The following SPAG16 variants were observed in gnomAD, a reference collection of about 807,000 sequenced individuals.
SPAG16 encodes the protein sperm associated antigen 16.
SPAG16 carries 86 observed loss-of-function variants against 80.4 expected under a neutral mutation model. The observed-to-expected ratio is 1.07, with a 90% confidence interval of 0.90 to 1.28. The LOEUF (loss-of-function observed/expected upper bound fraction) is 1.28, where lower values mean the gene tolerates loss of function less well. Ranked by LOEUF, SPAG16 falls within the 50% of genes most tolerant of loss-of-function variation. The pLI is 0.00. For synonymous variants in SPAG16, 294 were observed against 265.9 expected (o/e 1.11, Z -1.03); for missense variants, 870 against 765.3 (o/e 1.14, Z -1.61).
At chr2:213,867,157 CTCA>C (rs1381263235) in intron 11 of SPAG16, among the ~76,000 whole-genome samples, 1 of 152,120 alleles carries the variant, frequency 6.6e-6, no homozygotes, top group East Asian at 1.9e-4. Context: ...CACAGTGTAA[CTCA>C]TCATTATTAC....
intron 15 of SPAG16, among the ~76,000 whole-genome samples, chr2:214,395,104 A>G (rs1329204041): frequency 6.6e-6 from 1 of 152,116 alleles, no homozygotes; most frequent in African/African-American, 2.4e-5. Flanking sequence ...TTATTAATTC[A>G]CTTACTGAAG....
intron 12 of SPAG16, among the ~76,000 whole-genome samples, chr2:213,990,542 TTATAA>T (rs1372010435): frequency 1.3e-5 from 2 of 152,170 alleles, no homozygotes; most frequent in South Asian, 2.1e-4. Flanking sequence ...TACTCTGTTC[TTATAA>T]TAAAGTAAGC....
At chr2:213,838,202 C>T (rs1202672473) in intron 10 of SPAG16, among the ~76,000 whole-genome samples, 1 of 152,016 alleles carries the variant, frequency 6.6e-6, no homozygotes, top group African/African-American at 2.4e-5. Context: ...GACAGAGCCT[C>T]AGTCTGTTGC....
chr2:214,131,648 G>A (rs1015559958), intron 14 of SPAG16, among the ~76,000 whole-genome samples: 1 of 151,640 alleles, frequency 6.6e-6, no homozygotes, highest in Non-Finnish European at 1.5e-5. Flanking sequence ...GAACTATTAA[G>A]CCATGAAAAG....
At chr2:213,657,982 C>T (rs1000625247) in intron 10 of SPAG16, among the ~76,000 whole-genome samples, 4 of 152,124 alleles carry the variant, frequency 2.6e-5, no homozygotes, top group Non-Finnish European at 5.9e-5. Context: ...TTCTCAATCC[C>T]TTTCTCCTTT....
chr2:214,034,522 C>G (rs527972840), intron 13 of SPAG16, among the ~76,000 whole-genome samples: 1 of 152,290 alleles, frequency 6.6e-6, no homozygotes, highest in South Asian at 2.1e-4. Context: ...TGCATGCCTG[C>G]CAAGGGCAAG....
chr2:213,342,288 T>C (rs912367988), intron 6 of SPAG16, among the ~76,000 whole-genome samples: 1 of 141,716 alleles, frequency 7.1e-6, no homozygotes, highest in African/African-American at 2.7e-5. Flanking sequence ...TACATATGTA[T>C]ATATATATGA....
chr2:213,718,367 T>A (rs2066340695), intron 10 of SPAG16, among the ~76,000 whole-genome samples: 1 of 152,006 alleles, frequency 6.6e-6, no homozygotes, highest in Non-Finnish European at 1.5e-5. Context: ...GCACCCCCCC[T>A]GCCTGGGCTC....
chr2:213,512,438 A>G (rs866995540), intron 10 of SPAG16, among the ~76,000 whole-genome samples: 3 of 152,204 alleles, frequency 2.0e-5, no homozygotes, highest in Non-Finnish European at 2.9e-5. Context: ...ATTAATTACT[A>G]AAGACCATGT....
chr2:213,991,111 A>C (rs935827715), intron 12 of SPAG16, among the ~76,000 whole-genome samples: 2 of 151,958 alleles, frequency 1.3e-5, no homozygotes, highest in Non-Finnish European at 2.9e-5. Flanking sequence ...CCATCAACCC[A>C]TCATCTACAT....
intron 13 of SPAG16, among the ~76,000 whole-genome samples, chr2:214,058,919 A>C (rs1440097789): frequency 6.6e-6 from 1 of 152,194 alleles, no homozygotes; most frequent in African/African-American, 2.4e-5. Context: ...GTGGTGCTGA[A>C]AGGTTAATGA....
intron 10 of SPAG16, among the ~76,000 whole-genome samples, chr2:213,756,498 A>C (rs747561049): frequency 6.6e-6 from 1 of 152,184 alleles, no homozygotes; most frequent in African/African-American, 2.4e-5. Context: ...CTATGCCCAG[A>C]TAAATCTTTA....
chr2:213,526,904 G>A (rs2075905875), intron 10 of SPAG16, among the ~76,000 whole-genome samples: 1 of 152,160 alleles, frequency 6.6e-6, no homozygotes, highest in African/African-American at 2.4e-5. Flanking sequence ...TCTATGTAAA[G>A]GTTAGAATCT....
chr2:214,119,224 A>G (rs572814911), intron 14 of SPAG16, among the ~76,000 whole-genome samples: 135 of 152,278 alleles, frequency 8.9e-4, no homozygotes, highest in African/African-American at 3.2e-3. Context: ...ATTGAATTTT[A>G]ATTCTCTTAT....
Position 214,143,088 on chromosome 2 carries a change from C to T in SPAG16, c.1594-6052C>T, listed in dbSNP as rs571414862. Reference sequence around the variant, plus strand: ...ACTCTGTCTTTGAGACATGGTACAGCTTAGTGACTCTAAAGCCACATGGCC... The same window carrying T: ...ACTCTGTCTTTGAGACATGGTACAGTTTAGTGACTCTAAAGCCACATGGCC... On this transcript the variant is annotated intron_variant, in intron 14 of 15. Coordinates refer to ENST00000331683, the MANE Select transcript of SPAG16 (RefSeq NM_024532.5). Among the ~76,000 whole-genome samples the T allele has an allele frequency of 3.5e-4, 53 of 152,228 alleles. No homozygotes were observed. In the South Asian group the frequency reaches 5.4e-3, roughly 15 times the overall value.
intron 10 of SPAG16, among the ~76,000 whole-genome samples, chr2:213,595,830 G>T (rs2060868106): frequency 6.6e-6 from 1 of 151,986 alleles, no homozygotes; most frequent in South Asian, 2.1e-4. Context: ...ATGAAAATTA[G>T]ATAGCAGTTT....
intron 12 of SPAG16, among the ~76,000 whole-genome samples, chr2:213,962,155 G>A (rs1575661728): frequency 1.3e-5 from 2 of 151,812 alleles, no homozygotes; most frequent in Admixed American, 1.3e-4. Context: ...GGTTAAATAA[G>A]GGTAAAGCCC....
chr2:213,869,410 G>A (rs62192577), intron 11 of SPAG16, among the ~76,000 whole-genome samples: 88,366 of 149,194 alleles, frequency 0.59, 28,036 homozygotes, highest in South Asian at 0.85. Flanking sequence ...TTGATATACT[G>A]TCTCTCTAAA....
At chr2:213,827,642 A>G (rs1015677643) in intron 10 of SPAG16, among the ~76,000 whole-genome samples, 1 of 151,874 alleles carries the variant, frequency 6.6e-6, no homozygotes, top group African/African-American at 2.4e-5. Context: ...ATGATTTCTT[A>G]TTGCTCATTA....
Sources: allele counts gnomAD v4.1 joint callset (sites outside exome capture counted in the v4.1 genomes callset), GRCh38; gene constraint gnomAD v4.1.1; transcripts MANE v1.5; gene names NCBI Gene and HGNC (gene_info 2026-07-23, HGNC 2026-07-21).